VPS13D: variants seen among roughly 807,000 people sequenced by gnomAD.
VPS13D encodes vacuolar protein sorting 13 homolog D, also known as intermembrane lipid transfer protein VPS13D.
Under a neutral mutation model 461.9 loss-of-function variants are expected in VPS13D, and 187 were observed. That is an observed-to-expected ratio of 0.40 (90% confidence interval 0.36 to 0.46). VPS13D has a LOEUF of 0.46. VPS13D is among the 20% of genes least tolerant of loss of function. VPS13D has a pLI of 0.60. For synonymous variants in VPS13D, 1,951 were observed against 1,986.3 expected (o/e 0.98, Z 0.47); for missense variants, 4,711 against 5,364.9 (o/e 0.88, Z 3.81).
chr1:12,277,479 T>C lies in VPS13D; in HGVS notation c.3891T>C (p.Ala1297=), dbSNP rs1393709142. The change falls in exon 19 of 70, where the codon GCT becomes GCC. Residue 1297 remains alanine, a synonymous_variant. Transcript: ENST00000620676. ...CTTCTTTACATTATAACCACTCTGC[T>C]AAGTTTTTGAAGGAGTTGACGTTAT... is the stretch of plus-strand genomic sequence containing the variant. The part of the protein sequence containing the change: ...KMASLHYNHS[A]KFLKELTLSM... 1.9e-5 allele frequency: 30 copies of C among 1,614,176 alleles called. No individual in the cohort carries two copies. The highest frequency in any genetic ancestry group is 2.3e-5 in the Non-Finnish European group (27 of 1,180,034).
chr1:12,260,015 CTTTTTTTTTTTT>C (rs70987243), intron 10 of VPS13D, among the ~76,000 whole-genome samples: 12 of 72,810 alleles, frequency 1.6e-4, no homozygotes, highest in African/African-American at 2.4e-4. Context: ...GCTTTAGTGA[CTTTTTTTTTTTT>C]TTTTTTTTTT....
chr1:12,467,929 C>A (rs1001774249), intron 67 of VPS13D, among the ~76,000 whole-genome samples: 2 of 151,178 alleles, frequency 1.3e-5, no homozygotes, highest in Non-Finnish European at 3.0e-5. Context: ...AAAAAAAAAA[C>A]CTACTGAATT....
intron 65 of VPS13D, among the ~76,000 whole-genome samples, chr1:12,422,351 A>T: frequency 6.6e-6 from 1 of 152,084 alleles, no homozygotes; most frequent in South Asian, 2.1e-4. Flanking sequence ...AATAACTTTT[A>T]TAGTTGTATG....
intron 67 of VPS13D, among the ~76,000 whole-genome samples, chr1:12,486,930 T>G (rs1423762667): frequency 1.3e-5 from 2 of 152,130 alleles, no homozygotes; most frequent in East Asian, 3.9e-4. Flanking sequence ...CAAGAATCCC[T>G]GGTTCCGCAT....
chr1:12,455,893 T>C, intron 65 of VPS13D, 105 bp from the exon 66 acceptor site: 1 of 1,378,046 alleles, frequency 7.3e-7, no homozygotes, highest in African/African-American at 1.5e-5. Flanking sequence ...CAGACCAGCA[T>C]GGGCTTATCT....
At position 12,361,605 on chromosome 1, in the gene VPS13D, C is replaced by T. The variant is rs1425755925; in HGVS notation, c.10142-1115C>T. ...AGAGACGGGGTTTCACCGTTTTAGC[C>T]GGGATGGTCTCGATCTCCTGACCTC... is the stretch of plus-strand genomic sequence containing the variant. On this transcript the variant is annotated intron_variant, in intron 50 of 69. Coordinates refer to ENST00000620676, the MANE Select transcript of VPS13D (RefSeq NM_015378.4). 6.0e-5 allele frequency among the ~76,000 whole-genome samples: 9 copies of T among 151,084 alleles called. No homozygotes were observed. In the South Asian group the frequency reaches 1.0e-3, roughly 17 times the overall value.
chr1:12,311,756 G>A, intron 28 of VPS13D, 57 bp from the exon 29 acceptor site: 1 of 1,590,512 alleles, frequency 6.3e-7, no homozygotes, highest in Non-Finnish European at 8.6e-7. Context: ...TGGCGTATGA[G>A]CCTGTTTTTA....
At chr1:12,270,058 G>T (rs1156470770) in intron 16 of VPS13D, among the ~76,000 whole-genome samples, 1 of 151,246 alleles carries the variant, frequency 6.6e-6, no homozygotes, top group Non-Finnish European at 1.5e-5. Flanking sequence ...GGGAGGCTGA[G>T]GCAGAAGGAT....
intron 67 of VPS13D, among the ~76,000 whole-genome samples, chr1:12,472,576 A>C (rs1224991826): frequency 6.6e-6 from 1 of 152,188 alleles, no homozygotes; most frequent in Non-Finnish European, 1.5e-5. Context: ...CCACGTGTCC[A>C]TCTGCTTTTC....
chr1:12,471,795 G>A (rs1028847918), intron 67 of VPS13D, among the ~76,000 whole-genome samples: 9 of 152,034 alleles, frequency 5.9e-5, no homozygotes, highest in African/African-American at 2.2e-4. Context: ...CTTGGAGTTA[G>A]TAACTGCTCT....
intron 29 of VPS13D, 108 bp downstream of exon 29, chr1:12,312,033 A>G (rs1642765176): frequency 6.8e-6 from 6 of 877,926 alleles, no homozygotes; most frequent in Non-Finnish European, 1.1e-5. Context: ...CACAGATGGA[A>G]TGTTGTCTGC....
In VPS13D at chr1:12,289,970, T is replaced by C. The variant is rs1020690926; in HGVS notation, c.5726-1028T>C. Among the ~76,000 whole-genome samples, 11 of 152,226 alleles carry C rather than the reference T, an allele frequency of 7.2e-5. No homozygotes were observed. The South Asian group carries it at 1.0e-3, about 14-fold the overall frequency. On this transcript the variant is annotated intron_variant, in intron 22 of 69. Transcript: ENST00000620676. ...AAAAAAAAATTGTGTTTTCAATTCA[T>C]TGGGAGCTGAACTAGCATGCCAAAT...
chr1:12,410,968 T>G (rs1644718970), intron 63 of VPS13D, among the ~76,000 whole-genome samples: 1 of 152,250 alleles, frequency 6.6e-6, no homozygotes, highest in Admixed American at 6.5e-5. Flanking sequence ...TGCTTTCATC[T>G]GTTTAGGTCT....
rs1182234981 is a variant in VPS13D at position 12,299,425 on chromosome 1, A to G, written c.6216+41A>G. On this transcript the variant is annotated intron_variant, in intron 25 of 69. Coordinates refer to ENST00000620676, the MANE Select transcript of VPS13D (RefSeq NM_015378.4). The surrounding 1 kb of genome is among the most constrained non-coding windows in gnomAD (Gnocchi z 4.2). ...CCATTTCCTTTTCCGTTCAGCTAGT[A>G]TTTGATCACTAATTGAAAAATTTGT... 2.6e-6 allele frequency: 4 copies of G among 1,548,108 alleles called. No individual in the cohort carries two copies. The South Asian group carries it at 5.1e-5, about 20-fold the overall frequency.
At chr1:12,283,837 G>A (rs1641884630) in intron 21 of VPS13D, 101 bp downstream of exon 21, 1 of 1,227,724 alleles carries the variant, frequency 8.1e-7, no homozygotes, top group Non-Finnish European at 1.1e-6. Flanking sequence ...AATATCTCTT[G>A]TTGGCAGGGG....
Position 12,466,643 on chromosome 1 carries a change from C to T in VPS13D, c.12662+6247C>T, listed in dbSNP as rs147699850. 7.9e-5 allele frequency among the ~76,000 whole-genome samples: 12 copies of T among 151,940 alleles called. No homozygotes were observed. In the South Asian group the frequency reaches 1.2e-3, roughly 16 times the overall value. On this transcript the variant is annotated intron_variant, in intron 67 of 69. Transcript: ENST00000620676. The stretch of plus-strand genomic sequence containing the variant: ...ACGCTCCTTCCAGATGAGTCCGGTA[C>T]GCTGTAGTAGCATCCATATAGAGGC...
intron 23 of VPS13D, among the ~76,000 whole-genome samples, chr1:12,292,129 G>C (rs779749487): frequency 8.6e-5 from 13 of 151,692 alleles, no homozygotes; most frequent in Non-Finnish European, 7.4e-5. Context: ...TGTGGTGGCA[G>C]GTACCTGTAA....
chr1:12,319,097 A>C (rs1642963900), intron 31 of VPS13D, among the ~76,000 whole-genome samples: 1 of 152,242 alleles, frequency 6.6e-6, no homozygotes, highest in South Asian at 2.1e-4. Context: ...TTAGATGCAT[A>C]GTGCCTGACC....
intron 41 of VPS13D, 46 bp from the exon 42 acceptor site, chr1:12,342,853 C>A: frequency 1.9e-6 from 3 of 1,567,904 alleles, no homozygotes; most frequent in Non-Finnish European, 2.6e-6. Context: ...TGAGAGGGAG[C>A]TGGGAAGAAA....
Sources: allele counts gnomAD v4.1 joint callset (sites outside exome capture counted in the v4.1 genomes callset), GRCh38; gene constraint gnomAD v4.1.1; non-coding constraint Gnocchi (gnomAD v3.1); transcripts MANE v1.5; gene names NCBI Gene and HGNC (gene_info 2026-07-23, HGNC 2026-07-21).